GABRG1: variants seen among roughly 807,000 people sequenced by gnomAD.
The protein encoded by GABRG1 is gamma-aminobutyric acid receptor subunit gamma-1.
Under a neutral mutation model 49.8 loss-of-function variants are expected in GABRG1, and 49 were observed. The ratio of observed to expected loss-of-function variants is 0.98; its 90% CI spans 0.78 to 1.25. The LOEUF (loss-of-function observed/expected upper bound fraction) is 1.25, where lower values mean the gene tolerates loss of function less well. Ranked by LOEUF, GABRG1 falls within the 50% of genes most tolerant of loss-of-function variation. The pLI, the probability that GABRG1 is intolerant of heterozygous loss-of-function variation, is 0.00. For synonymous variants in GABRG1, 232 were observed against 185.1 expected, an observed-to-expected ratio of 1.25 and a Z score of -2.06; for missense variants, 552 against 552.3, an observed-to-expected ratio of 1.00 and a Z score of 0.01.
intron 5 of GABRG1, among the ~76,000 whole-genome samples, chr4:46,061,943 G>A (rs1417949996): frequency 6.7e-6 from 1 of 150,026 alleles, no homozygotes; most frequent in African/African-American, 2.5e-5. Context: ...AGTTACATAT[G>A]TATACATGTG....
chr4:46,082,081 A>C (rs879752052), intron 3 of GABRG1, among the ~76,000 whole-genome samples: 4 of 151,836 alleles, frequency 2.6e-5, no homozygotes, highest in African/African-American at 4.8e-5. Context: ...AATGCATTCC[A>C]TGGGATCCAG....
chr4:46,103,857 AG>A (rs1371748996), intron 1 of GABRG1, among the ~76,000 whole-genome samples: 1 of 151,346 alleles, frequency 6.6e-6, no homozygotes, highest in Non-Finnish European at 1.5e-5. Flanking sequence ...TGATACAAAA[AG>A]TATAGGTACC....
chr4:46,107,497 C>T (rs1720590319), intron 1 of GABRG1, among the ~76,000 whole-genome samples: 1 of 149,798 alleles, frequency 6.7e-6, no homozygotes, highest in South Asian at 2.1e-4. Context: ...CTTTCCTTCT[C>T]TTCTTCTTCC....
chr4:46,053,060 TA>T (rs945099290), intron 7 of GABRG1, among the ~76,000 whole-genome samples: 1 of 151,598 alleles, frequency 6.6e-6, no homozygotes, highest in African/African-American at 2.4e-5. Context: ...GCCTCTCGTT[TA>T]AAAAAAACAA....
intron 5 of GABRG1, among the ~76,000 whole-genome samples, chr4:46,062,079 A>G (rs1055720151): frequency 8.2e-6 from 1 of 122,648 alleles, no homozygotes; most frequent in African/African-American, 3.2e-5. Flanking sequence ...TCCTGTGTCC[A>G]TGTGTTCTCA....
At position 46,036,326 on chromosome 4, in the gene GABRG1, CAGTT is replaced by C. The variant is rs1348241214; in HGVS notation, c.*4658_*4661del. ...TACATATATATATGTATGTATGTCT[CAGTT>C]AGAAAACTGGAAATGGTTATTTGAA... On this transcript the variant is annotated 3_prime_UTR_variant, in exon 9 of 9. Transcript: ENST00000295452. 2 of 151,550 alleles carry C rather than the reference CAGTT, an allele frequency of 1.3e-5. No homozygotes were observed. Among genetic ancestry groups the C allele is most frequent in the African/African-American group, 4.8e-5 (2 of 41,332 alleles). 9.4% of individuals were successfully genotyped at this position (151,550 alleles called of 1,614,324 possible). A position where few individuals can be genotyped will look rare whatever the true frequency, so the allele number is the denominator to read the frequency against.
At chr4:46,061,877 T>C (rs922059422) in intron 5 of GABRG1, among the ~76,000 whole-genome samples, 17 of 151,814 alleles carry the variant, frequency 1.1e-4, no homozygotes, top group Non-Finnish European at 2.1e-4. Flanking sequence ...TTATTTTATT[T>C]TTTTTATTAT....
In GABRG1 at chr4:46,043,267, C is replaced by T. The variant is rs541474088; in HGVS notation, c.1132-2013G>A. ...AGTGCACTAAAATGAACAAAAACTG[C>T]AAGGGGTTTATTTAAAAAATGAACT... On this transcript the variant is annotated intron_variant, in intron 8 of 8. Coordinates refer to ENST00000295452, the MANE Select transcript of GABRG1 (RefSeq NM_173536.4). Among the ~76,000 whole-genome samples the T allele has an allele frequency of 2.0e-5, 3 of 151,754 alleles. No individual in the cohort carries two copies. The East Asian group carries it at 5.9e-4, about 30-fold the overall frequency.
chr4:46,117,815 T>TAC (rs1484404562), intron 1 of GABRG1, among the ~76,000 whole-genome samples: 4 of 122,046 alleles, frequency 3.3e-5, no homozygotes, highest in East Asian at 4.4e-4. Context: ...TATACATGTG[T>TAC]ATCTATATAC....
chr4:46,044,393 A>G (rs1717907530), intron 8 of GABRG1, among the ~76,000 whole-genome samples: 1 of 152,038 alleles, frequency 6.6e-6, no homozygotes, highest in Admixed American at 6.6e-5. Flanking sequence ...AGGTGGGAGG[A>G]TGGCTTGATC....
intron 3 of GABRG1, among the ~76,000 whole-genome samples, chr4:46,075,980 A>T (rs1202777124): frequency 6.6e-6 from 1 of 152,008 alleles, no homozygotes; most frequent in Non-Finnish European, 1.5e-5. Context: ...GGTGAGGAAG[A>T]TAATAAATTC....
intron 8 of GABRG1, among the ~76,000 whole-genome samples, chr4:46,048,548 C>A (rs1718092092): frequency 6.8e-6 from 1 of 147,394 alleles, no homozygotes; most frequent in Admixed American, 6.9e-5. Context: ...TCCCACCATG[C>A]ACCGACTCTT....
intron 1 of GABRG1, among the ~76,000 whole-genome samples, chr4:46,117,809 CATGTGTATCTATAT>C (rs1318587487): frequency 8.2e-6 from 1 of 121,634 alleles, no homozygotes; most frequent in Non-Finnish European, 1.6e-5. Flanking sequence ...CATATGTATA[CATGTGTATCTATAT>C]ACATATATAC....
At position 46,090,757 on chromosome 4, in the gene GABRG1, C is replaced by T. The variant is rs551723449; in HGVS notation, c.253+6444G>A. ...AATTCCCTGAAGATAATGAAAATGACGTGAGTTCTACATTACTCTTTGGCC... is the reference window on the plus strand; with the variant it reads ...AATTCCCTGAAGATAATGAAAATGATGTGAGTTCTACATTACTCTTTGGCC... On this transcript the variant is annotated intron_variant, in intron 2 of 8. Transcript: ENST00000295452. Among the ~76,000 whole-genome samples the T allele has an allele frequency of 3.3e-5, 5 of 152,014 alleles. No individual in the cohort carries two copies. The East Asian group carries it at 5.8e-4, about 18-fold the overall frequency.
intron 7 of GABRG1, among the ~76,000 whole-genome samples, chr4:46,053,398 T>C (rs1310645219): frequency 6.6e-6 from 1 of 151,714 alleles, no homozygotes; most frequent in Admixed American, 6.6e-5. Context: ...TAATTAACTT[T>C]TTCTTGTAGT....
intron 1 of GABRG1, among the ~76,000 whole-genome samples, chr4:46,098,420 A>C (rs1176252689): frequency 2.6e-5 from 4 of 151,732 alleles, no homozygotes; most frequent in Non-Finnish European, 2.9e-5. Flanking sequence ...TAAATCTGTA[A>C]TTTTCCAGAT....
At chr4:46,120,432 G>A (rs959256158) in intron 1 of GABRG1, among the ~76,000 whole-genome samples, 2 of 151,594 alleles carry the variant, frequency 1.3e-5, no homozygotes, top group Non-Finnish European at 3.0e-5. Context: ...GTATAGAATG[G>A]AAGAAAGATA....
intron 8 of GABRG1, among the ~76,000 whole-genome samples, chr4:46,042,490 A>T (rs1241887308): frequency 6.6e-6 from 1 of 151,940 alleles, no homozygotes; most frequent in Non-Finnish European, 1.5e-5. Flanking sequence ...TCTAAACATT[A>T]AATATAGCGC....
At chr4:46,113,043 G>A (rs997852252) in intron 1 of GABRG1, among the ~76,000 whole-genome samples, 4 of 151,040 alleles carry the variant, frequency 2.6e-5, no homozygotes, top group Non-Finnish European at 4.4e-5. Flanking sequence ...ATGACTGAAA[G>A]CTTCACTCAC....
Sources: allele counts gnomAD v4.1 joint callset (sites outside exome capture counted in the v4.1 genomes callset), GRCh38; gene constraint gnomAD v4.1.1; transcripts MANE v1.5; gene names NCBI Gene and HGNC (gene_info 2026-07-23, HGNC 2026-07-21).